The following CYB561 variants were observed in gnomAD, a reference collection of about 807,000 sequenced individuals.
CYB561 encodes the protein transmembrane ascorbate-dependent reductase CYB561.
CYB561 carries 11 observed loss-of-function variants against 25.3 expected under a neutral mutation model. That is an observed-to-expected ratio of 0.44 (90% confidence interval 0.27 to 0.72). CYB561 has a LOEUF of 0.72. Among genes scored for constraint, CYB561 ranks in the 30% least tolerant of loss-of-function variants. The pLI is 0.18. For missense variants in CYB561, 295 were observed against 334.9 expected, an observed-to-expected ratio of 0.88 and a Z score of 0.93; for synonymous variants, 165 against 158.8, an observed-to-expected ratio of 1.04 and a Z score of -0.29.
At chr17:63,437,970 G>C in intron 1 of CYB561, 2 of 643,050 alleles carry the variant, frequency 3.1e-6, no homozygotes, top group South Asian at 1.8e-5. Flanking sequence ...TCCCACGGCG[G>C]CCCCGCCACC....
At chr17:63,446,586 C>T (rs897911882), upstream of CYB561, among the ~76,000 whole-genome samples, 3 of 152,218 alleles carry the variant, frequency 2.0e-5, no homozygotes, top group African/African-American at 7.2e-5. Context: ...GGAGCTCCCC[C>T]GGGCCTGCCT....
In CYB561 at chr17:63,436,064, G is replaced by T. The variant is rs200245215; in HGVS notation, c.291C>A (p.Ile97=). The change falls in exon 3 of 6, where the codon ATC becomes ATA. Residue 97 remains isoleucine (I), a synonymous_variant. Coordinates refer to ENST00000360793, the MANE Select transcript of CYB561 (RefSeq NM_001915.4). This position sits in a 1 kb window ranked among gnomAD's most constrained non-coding sequence, Gnocchi z 4.8. ...CGCCCGGGAACTCACCAACCAGGGC[G>T]ATGACGAGCGCAAAGATGTGCAGCA... ...HGLLHIFALV[I]ALVGLVAVFD... is the part of the protein sequence containing the mutation. The T allele has an allele frequency of 2.5e-6, 4 of 1,614,206 alleles. No homozygotes were observed. The East Asian group carries it at 8.9e-5, about 36-fold the overall frequency.
In CYB561 at chr17:63,437,329, C is replaced by T. The variant is rs1157097650; in HGVS notation, c.202+17G>A. 3.8e-6 allele frequency: 6 copies of T among 1,596,968 alleles called. No individual in the cohort carries two copies. The highest frequency in any genetic ancestry group is 1.7e-4 in the Middle Eastern group (1 of 6,006). ...CCCCACAAGCCCGGGAAAAGAGGAGCGGCCCATGGGACTCACCATTTCCCT... is the reference window on the plus strand; with the variant it reads ...CCCCACAAGCCCGGGAAAAGAGGAGTGGCCCATGGGACTCACCATTTCCCT... On this transcript the variant is annotated intron_variant, in intron 2 of 5. Coordinates refer to ENST00000360793, the MANE Select transcript of CYB561 (RefSeq NM_001915.4).
intron 1 of CYB561, among the ~76,000 whole-genome samples, chr17:63,441,811 G>A (rs1278353630): frequency 1.3e-5 from 2 of 152,224 alleles, no homozygotes; most frequent in African/African-American, 4.8e-5. Flanking sequence ...TGACGCAGGG[G>A]AAGCTCCCGG....
intron 1 of CYB561, 148 bp from the exon 2 acceptor site, chr17:63,437,708 A>G: frequency 2.1e-6 from 1 of 484,762 alleles, no homozygotes; most frequent in South Asian, 2.0e-5. Context: ...CCCCGGAGAT[A>G]AGCACGGTCC....
Position 63,438,371 on chromosome 17 carries a change from C to T in CYB561, c.-13-811G>A, listed in dbSNP as rs962642445. On this transcript the variant is annotated intron_variant, in intron 1 of 5. Coordinates refer to ENST00000360793, the MANE Select transcript of CYB561 (RefSeq NM_001915.4). ...TCGGGAGAAATGGGAAGTCTCCCTC[C>T]CCCATCCTGGTTTTTAACTCCATGC... 46 of 648,246 alleles carry T rather than the reference C, an allele frequency of 7.1e-5. No individual in the cohort carries two copies. In the African/African-American group the frequency reaches 8.3e-4, roughly 12 times the overall value. The allele number at this position is 648,246 out of a possible 1,614,324, so 40.2% of individuals were successfully genotyped here. A position where few individuals can be genotyped will look rare whatever the true frequency, so the allele number is the denominator to read the frequency against.
In CYB561 at chr17:63,434,237, A is replaced by G. The variant is rs1269566727; in HGVS notation, c.*165T>C. The G allele has an allele frequency of 3.3e-6, 2 of 614,436 alleles. No individual in the cohort carries two copies. The highest frequency in any genetic ancestry group is 5.7e-6 in the Non-Finnish European group (2 of 352,000). 38.1% of individuals were successfully genotyped at this position (614,436 alleles called of 1,614,324 possible). On this transcript the variant is annotated 3_prime_UTR_variant, in exon 6 of 6. Transcript: ENST00000360793. ...ATAGCAGCGGAGAAAGGAGAAGCAG[A>G]GGAGGCGGAGACCTGACCCCAGAAA... is the stretch of plus-strand genomic sequence containing the variant.
intron 1 of CYB561, chr17:63,438,007 G>GCGCT (rs1300425020): frequency 4.2e-5 from 36 of 854,240 alleles, no homozygotes; most frequent in Middle Eastern, 4.1e-4. Context: ...GCTGGAAGCA[G>GCGCT]CGCTCGCTCT....
chr17:63,437,113 GGAAACGAGGT>G, intron 2 of CYB561: 1 of 558,468 alleles, frequency 1.8e-6, no homozygotes, highest in Admixed American at 3.4e-5. Flanking sequence ...TGCTGTGTGT[GGAAACGAGGT>G]GAAAATGCTG....
chr17:63,440,944 A>T (rs1401971886), intron 1 of CYB561: 1 of 152,178 alleles, frequency 6.6e-6, no homozygotes, highest in Admixed American at 6.5e-5. Context: ...GATTAGCTAC[A>T]AATTAGGAAG....
intron 1 of CYB561, among the ~76,000 whole-genome samples, chr17:63,441,258 G>A (rs1212706024): frequency 6.6e-6 from 1 of 152,218 alleles, no homozygotes; most frequent in Non-Finnish European, 1.5e-5. Context: ...CAGTAGGGTG[G>A]GGACCCAACA....
intron 1 of CYB561, chr17:63,438,307 T>A: frequency 9.1e-7 from 1 of 1,098,016 alleles, no homozygotes; most frequent in African/African-American, 1.6e-5. Context: ...AGGAAGGGGC[T>A]GGTCACACCT....
rs1488968634 is a variant in CYB561 at position 63,442,023 on chromosome 17, C to T, written c.-14+4222G>A. Among the ~76,000 whole-genome samples, 4 of 152,192 alleles carry T rather than the reference C, an allele frequency of 2.6e-5. No individual in the cohort carries two copies. The East Asian group carries it at 5.8e-4, about 22-fold the overall frequency. On this transcript the variant is annotated intron_variant, in intron 1 of 5. Coordinates refer to ENST00000360793, the MANE Select transcript of CYB561 (RefSeq NM_001915.4). ...CCCTGGCCTAGGCAGCCCAGGCACCCGGGGCACCTGGGCATCTGGGAGGAA... is the reference window on the plus strand; with the variant it reads ...CCCTGGCCTAGGCAGCCCAGGCACCTGGGGCACCTGGGCATCTGGGAGGAA...
chr17:63,437,679 T>C (rs1599118199), intron 1 of CYB561, 119 bp from the exon 2 acceptor site: 4 of 598,622 alleles, frequency 6.7e-6, no homozygotes, highest in East Asian at 3.4e-5. Flanking sequence ...TACACACCCC[T>C]CAAGATGCGC....
chr17:63,435,709 G>A lies in CYB561; in HGVS notation c.384C>T (p.Val128=). Residue 128 remains valine, a synonymous_variant, in exon 4 of 6, where the codon GTC becomes GTT. Coordinates refer to ENST00000360793, the MANE Select transcript of CYB561 (RefSeq NM_001915.4). ...YSLHSWCGIL[V]FVLYFVQWLV... ...TCACCTGCACAAAGTACAGGACAAA[G>A]ACAAGGATCCCGCACCAGCTGTGTA... 1 of 1,614,208 alleles carries A rather than the reference G, an allele frequency of 6.2e-7. No individual in the cohort carries two copies. Among genetic ancestry groups the A allele is most frequent in the Non-Finnish European group, 8.5e-7 (1 of 1,180,008 alleles).
At chr17:63,438,428 C>G in intron 1 of CYB561, 1 of 535,938 alleles carries the variant, frequency 1.9e-6, no homozygotes, top group Admixed American at 3.2e-5. Flanking sequence ...ACCCCACACC[C>G]AGGAGAGCCA....
In CYB561 at chr17:63,444,788, C is replaced by T. The variant is rs564141632; in HGVS notation, c.-14+1457G>A. 1.3e-4 allele frequency among the ~76,000 whole-genome samples: 20 copies of T among 152,302 alleles called. No homozygotes were observed. In the South Asian group the frequency reaches 2.1e-3, roughly 16 times the overall value. On this transcript the variant is annotated intron_variant, in intron 1 of 5. Coordinates refer to ENST00000360793, the MANE Select transcript of CYB561 (RefSeq NM_001915.4). ...TTCAGAGGGGGTTAATTTCTCATTC[C>T]CCTCCACCAATGCCATCTAATGCCA...
At chr17:63,438,106 C>T in intron 1 of CYB561, 3 of 1,534,634 alleles carry the variant, frequency 2.0e-6, no homozygotes, top group Non-Finnish European at 2.6e-6. Context: ...AGCCTCCCCA[C>T]GGGGACAGGC....
At position 63,433,577 on chromosome 17, in the gene CYB561, G is replaced by C; in HGVS notation, c.*825C>G. ...TGCCTCCCAGCCTGAGCAGAGCCTG[G>C]GTGAGCCTGGGAGAGGAAACCAGAG... On this transcript the variant is annotated 3_prime_UTR_variant, in exon 6 of 6. Coordinates refer to ENST00000360793, the MANE Select transcript of CYB561 (RefSeq NM_001915.4). 1 of 387,884 alleles carries C rather than the reference G, an allele frequency of 2.6e-6. No individual in the cohort carries two copies. Among genetic ancestry groups the C allele is most frequent in the Non-Finnish European group, 4.5e-6 (1 of 219,972 alleles). 24.0% of individuals were successfully genotyped at this position (387,884 alleles called of 1,614,324 possible). A position where few individuals can be genotyped will look rare whatever the true frequency, so the allele number is the denominator to read the frequency against.
Sources: allele counts gnomAD v4.1 joint callset (sites outside exome capture counted in the v4.1 genomes callset), GRCh38; gene constraint gnomAD v4.1.1; non-coding constraint Gnocchi (gnomAD v3.1); transcripts MANE v1.5; gene names NCBI Gene and HGNC (gene_info 2026-07-23, HGNC 2026-07-21).